Variants in CYP4B1 observed in about 807,000 individuals in gnomAD.
The protein encoded by CYP4B1 is cytochrome P450 4B1.
A neutral mutation model predicts 54.0 loss-of-function variants in CYP4B1; 45 were observed. The ratio of observed to expected loss-of-function variants is 0.83; its 90% CI spans 0.66 to 1.07. The LOEUF (loss-of-function observed/expected upper bound fraction) is 1.07, where lower values mean the gene tolerates loss of function less well. CYP4B1 is among the 50% of genes least tolerant of loss of function. CYP4B1 has a pLI of 0.00. For synonymous variants in CYP4B1, 248 were observed against 247.5 expected (o/e 1.00, Z -0.02); for missense variants, 656 against 655.4 (o/e 1.00, Z -0.01).
rs746655672 is a variant in CYP4B1, at chr1:46,818,620, G to C, written c.1356-11G>C. 10 of 1,613,814 alleles carry C rather than the reference G, an allele frequency of 6.2e-6. No individual in the cohort carries two copies. In the East Asian group the frequency reaches 2.2e-4, roughly 36 times the overall value. On this transcript the variant is annotated splice_polypyrimidine_tract_variant and intron_variant, in intron 11 of 11. Transcript: ENST00000371923. ...CCATTGCACGATGACTCTTTGTGCT[G>C]CTTGCTACAGGAACTGCATTGGGCA...
At chr1:46,810,606 G>A (rs928635563) in intron 1 of CYP4B1, among the ~76,000 whole-genome samples, 2 of 152,168 alleles carry the variant, frequency 1.3e-5, no homozygotes, top group Admixed American at 6.5e-5. Context: ...TGTGAGAAGA[G>A]GGCGGCTTGG....
intron 1 of CYP4B1, among the ~76,000 whole-genome samples, chr1:46,804,696 C>T (rs145817354): frequency 6.6e-6 from 1 of 152,114 alleles, no homozygotes; most frequent in African/African-American, 2.4e-5. Context: ...GGTTTCTTAT[C>T]TGATGGTTTC....
At chr1:46,812,774 A>C in intron 4 of CYP4B1, 151 bp downstream of exon 4, 1 of 881,054 alleles carries the variant, frequency 1.1e-6, no homozygotes, top group Non-Finnish European at 1.7e-6. Context: ...AGCAGTGCCA[A>C]AGCCCTGCTC....
At chr1:46,804,123 G>T (rs554688551) in intron 1 of CYP4B1, among the ~76,000 whole-genome samples, 1 of 152,166 alleles carries the variant, frequency 6.6e-6, no homozygotes, top group Non-Finnish European at 1.5e-5. Flanking sequence ...GGGAGAAGAC[G>T]CAAGGGAAGA....
At chr1:46,816,974 G>T in intron 8 of CYP4B1, 74 bp from the exon 9 acceptor site, 2 of 1,560,822 alleles carry the variant, frequency 1.3e-6, no homozygotes, top group Non-Finnish European at 8.8e-7. Flanking sequence ...GAGGAAAACT[G>T]GGGCTGGGGT....
rs1678891256 is a variant in CYP4B1 at position 46,807,112 on chromosome 1, C to T, written c.181-3696C>T. ...TTTGGCCATCGCTTGGGCTCATGCA[C>T]ATGTTTTTTATTTATCTTAGTTTTC... On this transcript the variant is annotated intron_variant, in intron 1 of 11. Transcript: ENST00000371923. Among the ~76,000 whole-genome samples the T allele has an allele frequency of 4.6e-5, 7 of 152,284 alleles. No homozygotes were observed. The South Asian group carries it at 1.5e-3, about 32-fold the overall frequency.
Position 46,799,164 on chromosome 1 carries a change from A to G in CYP4B1, c.83A>G (p.Lys28Arg), listed in dbSNP as rs1678503931. Residue 28 changes from lysine to arginine, a missense_variant, in exon 1 of 12, where the codon AAG (lysine) becomes AGG (arginine). Coordinates refer to ENST00000371923, the MANE Select transcript of CYP4B1 (RefSeq NM_001099772.2). ...CTGATCTTGGTCTTAGGCTTTCTCAAGCTCATCCACCTGCTGCTGCGGAGG... is the reference window on the plus strand; with the variant it reads ...CTGATCTTGGTCTTAGGCTTTCTCAGGCTCATCCACCTGCTGCTGCGGAGG... ...SGLILVLGFL[K>R]LIHLLLRRQT... 6 of 1,613,264 alleles carry G rather than the reference A, an allele frequency of 3.7e-6. No homozygotes were observed. The highest frequency in any genetic ancestry group is 4.2e-6 in the Non-Finnish European group (5 of 1,179,752).
At position 46,816,946 on chromosome 1, in the gene CYP4B1, T is replaced by C; in HGVS notation, c.1074-102T>C. 5.2e-6 allele frequency: 7 copies of C among 1,336,136 alleles called. No individual in the cohort carries two copies. In the South Asian group the frequency reaches 9.1e-5, roughly 17 times the overall value. 82.8% of individuals were successfully genotyped at this position (1,336,136 alleles called of 1,614,324 possible). On this transcript the variant is annotated intron_variant, in intron 8 of 11. Coordinates refer to ENST00000371923, the MANE Select transcript of CYP4B1 (RefSeq NM_001099772.2). ...GAACTCTGTGCCTCTGACTCTTGAG[T>C]GTGTGGTGGTGGTGAGGGAGGAAAA...
At position 46,815,252 on chromosome 1, in the gene CYP4B1, ACTT is replaced by A. The variant is rs766262731; in HGVS notation, c.1066_1068del (p.Phe356del). The A allele has an allele frequency of 1.3e-6, 2 of 1,564,380 alleles. No homozygotes were observed. Among genetic ancestry groups the A allele is most frequent in the Admixed American group, 3.6e-5 (2 of 55,238 alleles). On this transcript the variant is annotated inframe_deletion, in exon 8 of 12. Coordinates refer to ENST00000371923, the MANE Select transcript of CYP4B1 (RefSeq NM_001099772.2). Reference sequence around the variant, plus strand: ...GTCCGCGAGATCCTAGGGGACCAGGACTTCTTCCAGTGGTGAGTCTGAGGGTGG... The same window carrying A: ...GTCCGCGAGATCCTAGGGGACCAGGACTTCCAGTGGTGAGTCTGAGGGTGG...
intron 1 of CYP4B1, 24 bp downstream of exon 1, chr1:46,799,285 G>C (rs1220983506): frequency 6.4e-7 from 1 of 1,557,882 alleles, no homozygotes; most frequent in Non-Finnish European, 8.7e-7. Flanking sequence ...GGGAGGGTGG[G>C]GGAGAAAGAA....
intron 1 of CYP4B1, among the ~76,000 whole-genome samples, chr1:46,806,629 C>T (rs1678872462): frequency 6.6e-6 from 1 of 152,160 alleles, no homozygotes; most frequent in Non-Finnish European, 1.5e-5. Context: ...GCAAAGCTTA[C>T]TTTAGGCTCT....
chr1:46,806,479 G>A (rs535126072), intron 1 of CYP4B1, among the ~76,000 whole-genome samples: 1 of 152,236 alleles, frequency 6.6e-6, no homozygotes, highest in African/African-American at 2.4e-5. Context: ...TGCAGAAAGA[G>A]ACTAAGCCAG....
intron 4 of CYP4B1, 39 bp from the exon 5 acceptor site, chr1:46,813,443 A>G (rs1343085324): frequency 4.3e-6 from 7 of 1,613,520 alleles, no homozygotes; most frequent in East Asian, 2.2e-5. Flanking sequence ...TAACCCCTGC[A>G]TCGCCTCCTA....
At chr1:46,817,258 C>CTT in intron 9 of CYP4B1, 77 bp downstream of exon 9, 1 of 1,575,422 alleles carries the variant, frequency 6.3e-7, no homozygotes, top group Middle Eastern at 1.8e-4. Flanking sequence ...TTAGTCAAAT[C>CTT]TTTGCACTTT....
In CYP4B1 at chr1:46,818,296, G is replaced by T; in HGVS notation, c.1355+83G>T. The T allele has an allele frequency of 4.7e-6, 6 of 1,278,092 alleles. No individual in the cohort carries two copies. The South Asian group carries it at 7.2e-5, about 15-fold the overall frequency. The allele number at this position is 1,278,092 out of a possible 1,614,324, so 79.2% of individuals were successfully genotyped here. ...ATCATAGGGGAGGCACTATTAGAAG[G>T]TACTCTGAATAAAGGGGAATCATGC... On this transcript the variant is annotated intron_variant, in intron 11 of 11. Coordinates refer to ENST00000371923, the MANE Select transcript of CYP4B1 (RefSeq NM_001099772.2).
At position 46,818,693 on chromosome 1, in the gene CYP4B1, T is replaced by G; in HGVS notation, c.1418T>G (p.Leu473Arg). Reference protein sequence around the residue: ...EMKVVTAMCLLRFEFSLDPSR... With the variant: ...EMKVVTAMCLRRFEFSLDPSR... ...AAGGTGGTCACAGCCATGTGCTTGC[T>G]CCGCTTTGAGTTCTCTCTGGACCCC... The change falls in exon 12 of 12, where the codon CTC (leucine) becomes CGC (arginine). Residue 473 changes from leucine (L) to arginine (R), a missense_variant. Coordinates refer to ENST00000371923, the MANE Select transcript of CYP4B1 (RefSeq NM_001099772.2). The G allele has an allele frequency of 6.2e-7, 1 of 1,614,188 alleles. No homozygotes were observed. Among genetic ancestry groups the G allele is most frequent in the South Asian group, 1.1e-5 (1 of 91,086 alleles).
chr1:46,814,278 G>A lies in CYP4B1; in HGVS notation c.845G>A (p.Arg282Lys). ...GTGCGGAAGAAGATCCAGAACCGGA[G>A]GCACCTGGACTTCCTGGACATTCTC... ...EKVRKKIQNR[R>K]HLDFLDILLG... Residue 282 changes from arginine (R) to lysine (K), a missense_variant, in exon 7 of 12, where the codon AGG (arginine) becomes AAG (lysine). Arg to Lys is a conservative substitution (Grantham distance 26). Transcript: ENST00000371923. 1 of 1,614,152 alleles carries A rather than the reference G, an allele frequency of 6.2e-7. No individual in the cohort carries two copies.
intron 1 of CYP4B1, among the ~76,000 whole-genome samples, chr1:46,807,099 T>G (rs1423654624): frequency 1.3e-5 from 2 of 152,230 alleles, no homozygotes; most frequent in Non-Finnish European, 2.9e-5. Flanking sequence ...TGGCCATCGC[T>G]TGGGCTCATG....
chr1:46,803,316 G>A (rs1413839931), intron 1 of CYP4B1, among the ~76,000 whole-genome samples: 1 of 152,174 alleles, frequency 6.6e-6, no homozygotes, highest in African/African-American at 2.4e-5. Flanking sequence ...TGGGCTGGAG[G>A]AAAGTGGAAG....
Sources: gnomAD v4.1 joint callset for allele counts (sites outside exome capture counted in the v4.1 genomes callset) on GRCh38, gnomAD v4.1.1 for gene constraint, MANE v1.5 for transcripts, NCBI Gene and HGNC (gene_info 2026-07-23, HGNC 2026-07-21) for gene names.